The following LOC128092253 variants were observed in gnomAD, a reference collection of about 807,000 sequenced individuals.
chr6:133,976,123 T>A, the LOC128092253 span, among the ~76,000 whole-genome samples: 3 of 152,176 alleles, frequency 2.0e-5, no homozygotes, highest in African/African-American at 7.2e-5. Flanking sequence ...TCAAAGGGCT[T>A]GTAGGAAAAA....
the LOC128092253 span, among the ~76,000 whole-genome samples, chr6:133,955,373 CT>C: frequency 6.6e-6 from 1 of 151,792 alleles, no homozygotes; most frequent in African/African-American, 2.4e-5. Flanking sequence ...TAGTTACTGT[CT>C]TTTCTTAATC....
At chr6:133,973,382 A>C in the LOC128092253 span, among the ~76,000 whole-genome samples, 1 of 152,166 alleles carries the variant, frequency 6.6e-6, no homozygotes, top group East Asian at 1.9e-4. Context: ...AGTATACTTT[A>C]AGTAGCTAGA....
chr6:133,978,202 T>A, the LOC128092253 span, among the ~76,000 whole-genome samples: 4 of 152,346 alleles, frequency 2.6e-5, no homozygotes, highest in African/African-American at 9.6e-5. Context: ...TGGGCTCTAA[T>A]GTAATCATGG....
the LOC128092253 span, among the ~76,000 whole-genome samples, chr6:133,956,801 A>G: frequency 2.0e-5 from 3 of 152,214 alleles, no homozygotes; most frequent in Admixed American, 6.5e-5. Context: ...AATTCAAACA[A>G]TAAAGATAAT....
chr6:133,961,376 G>C, the LOC128092253 span, among the ~76,000 whole-genome samples: 7 of 151,634 alleles, frequency 4.6e-5, no homozygotes, highest in Non-Finnish European at 1.0e-4. Context: ...TTCATTTGCT[G>C]TGCCCTCTGC....
chr6:133,958,449 G>A, the LOC128092253 span, among the ~76,000 whole-genome samples: 97,074 of 151,930 alleles, frequency 0.64, 31,905 homozygotes, highest in African/African-American at 0.74. Flanking sequence ...CAGTAATTCA[G>A]GTGGCTCAAG....
the LOC128092253 span, among the ~76,000 whole-genome samples, chr6:133,976,967 CAAAAAAAAA>C: frequency 0.021 from 1,329 of 62,228 alleles, 28 homozygotes; most frequent in African/African-American, 0.071. Flanking sequence ...GACTTGGTCT[CAAAAAAAAA>C]AAAAAAGAAA....
the LOC128092253 span, among the ~76,000 whole-genome samples, chr6:133,976,267 A>AT: frequency 6.6e-6 from 1 of 152,192 alleles, no homozygotes; most frequent in Non-Finnish European, 1.5e-5. Context: ...GAAATTTAAT[A>AT]TAGTTAAGAG....
At chr6:133,967,640 CT>C in the LOC128092253 span, among the ~76,000 whole-genome samples, 2 of 152,068 alleles carry the variant, frequency 1.3e-5, no homozygotes, top group Admixed American at 6.5e-5. Flanking sequence ...TTACTGAGTA[CT>C]GTAGGCAGTT....
chr6:133,968,607 A>AACT, the LOC128092253 span, among the ~76,000 whole-genome samples: 1 of 152,228 alleles, frequency 6.6e-6, no homozygotes, highest in Admixed American at 6.5e-5. Context: ...AGCAGTTCAG[A>AACT]ACTAGTCCAC....
the LOC128092253 span, among the ~76,000 whole-genome samples, chr6:133,967,355 T>C: frequency 1.3e-5 from 2 of 152,238 alleles, no homozygotes. Flanking sequence ...AAGGTTAATA[T>C]TCTTTATATA....
the LOC128092253 span, among the ~76,000 whole-genome samples, chr6:133,975,931 T>A: frequency 6.6e-6 from 1 of 152,238 alleles, no homozygotes; most frequent in South Asian, 2.1e-4. Flanking sequence ...TATATGGTAG[T>A]GCCATGATTA....
At chr6:133,978,168 C>T in the LOC128092253 span, among the ~76,000 whole-genome samples, 5 of 152,150 alleles carry the variant, frequency 3.3e-5, no homozygotes, top group Non-Finnish European at 5.9e-5. Context: ...AGAAAACCTG[C>T]TGCTGTCCAG....
chr6:133,965,120 T>A, the LOC128092253 span, among the ~76,000 whole-genome samples: 1 of 152,204 alleles, frequency 6.6e-6, no homozygotes, highest in African/African-American at 2.4e-5. Flanking sequence ...ACATTTACAC[T>A]TGTAAATGAA....
the LOC128092253 span, among the ~76,000 whole-genome samples, chr6:133,974,634 G>A: frequency 6.6e-6 from 1 of 152,294 alleles, no homozygotes; most frequent in Non-Finnish European, 1.5e-5. Context: ...GACGAGTTCA[G>A]TTATTTCTTA....
chr6:133,954,605 T>TA, the LOC128092253 span, among the ~76,000 whole-genome samples: 1 of 152,260 alleles, frequency 6.6e-6, no homozygotes, highest in African/African-American at 2.4e-5. Flanking sequence ...GGTTTTCCTG[T>TA]AGCACAATGA....
the LOC128092253 span, among the ~76,000 whole-genome samples, chr6:133,964,019 C>T: frequency 7.2e-5 from 11 of 152,012 alleles, no homozygotes; most frequent in South Asian, 4.2e-4. Flanking sequence ...CCAGCCTGGG[C>T]GACAGAGCAA....
At chr6:133,953,865 A>C in the LOC128092253 span, among the ~76,000 whole-genome samples, 1,365 of 152,232 alleles carry the variant, frequency 9.0e-3, 29 homozygotes, top group African/African-American at 0.031. Flanking sequence ...GAAAACTTAC[A>C]GCGGCTTCTC....
At chr6:133,969,996 T>C in the LOC128092253 span, among the ~76,000 whole-genome samples, 1 of 152,222 alleles carries the variant, frequency 6.6e-6, no homozygotes, top group Admixed American at 6.5e-5. Context: ...GTCTCATCTT[T>C]CACCTAATAG....
Sources: allele counts gnomAD v4.1 joint callset (sites outside exome capture counted in the v4.1 genomes callset), GRCh38; gene constraint gnomAD v4.1.1; transcripts MANE v1.5.